ABCB1: variants seen among roughly 807,000 people sequenced by gnomAD.
The protein encoded by ABCB1 is ATP-dependent translocase ABCB1.
Under a neutral mutation model 142.0 loss-of-function variants are expected in ABCB1, and 69 were observed. The observed-to-expected ratio is 0.49, with a 90% CI of 0.40 to 0.59. The LOEUF is 0.59. Ranked by LOEUF, ABCB1 falls within the 20% of genes least tolerant of loss-of-function variation. The pLI is 0.00. For missense variants in ABCB1, 1,326 were observed against 1,554.7 expected (o/e 0.85, Z 2.47); for synonymous variants, 532 against 539.2 (o/e 0.99, Z 0.18).
intron 1 of ABCB1, among the ~76,000 whole-genome samples, chr7:87,666,243 T>C (rs1825235304): frequency 6.6e-6 from 1 of 152,196 alleles, no homozygotes; most frequent in Non-Finnish European, 1.5e-5. Context: ...TGATCAGTGA[T>C]ACTGAGCTTT....
chr7:87,612,628 T>A (rs531983710), intron 1 of ABCB1, among the ~76,000 whole-genome samples: 2 of 152,182 alleles, frequency 1.3e-5, no homozygotes, highest in African/African-American at 2.4e-5. Context: ...ATATATCTAC[T>A]TTTATACCAG....
At chr7:87,561,533 T>C in intron 7 of ABCB1, 146 bp from the exon 8 acceptor site, 1 of 790,776 alleles carries the variant, frequency 1.3e-6, no homozygotes, top group East Asian at 2.8e-5. Context: ...TTGGTCTGTA[T>C]TAACAGCCAC....
chr7:87,564,983 C>A (rs1171881368), intron 7 of ABCB1, among the ~76,000 whole-genome samples: 1 of 152,104 alleles, frequency 6.6e-6, no homozygotes, highest in Non-Finnish European at 1.5e-5. Flanking sequence ...AACTGATAAT[C>A]CCCAGAAACA....
intron 1 of ABCB1, among the ~76,000 whole-genome samples, chr7:87,635,594 C>T (rs536949027): frequency 7.9e-5 from 12 of 152,262 alleles, no homozygotes; most frequent in African/African-American, 2.9e-4. Context: ...TCTAGCTCTA[C>T]TATGCCACTA....
intron 1 of ABCB1, among the ~76,000 whole-genome samples, chr7:87,662,058 G>A (rs1824765337): frequency 6.6e-6 from 1 of 152,008 alleles, no homozygotes; most frequent in Admixed American, 6.6e-5. Context: ...CTTCTTTTGA[G>A]AAACATCTAT....
chr7:87,664,054 T>C (rs1232359129), intron 1 of ABCB1, among the ~76,000 whole-genome samples: 1 of 152,204 alleles, frequency 6.6e-6, no homozygotes, highest in Non-Finnish European at 1.5e-5. Context: ...ATTCATTTCA[T>C]ACAGCATTTA....
chr7:87,558,556 G>C (rs954999454), intron 8 of ABCB1, among the ~76,000 whole-genome samples: 1 of 151,038 alleles, frequency 6.6e-6, no homozygotes, highest in South Asian at 2.1e-4. Context: ...TGTTTTATTG[G>C]TCTTATTATC....
intron 19 of ABCB1, 38 bp from the exon 20 acceptor site, chr7:87,536,579 T>C (rs1273262826): frequency 6.3e-7 from 1 of 1,595,970 alleles, no homozygotes; most frequent in Non-Finnish European, 8.6e-7. Context: ...CTTAAAGCTG[T>C]TTATGAGACT....
At chr7:87,708,463 G>A (rs2214106) in intron 1 of ABCB1, among the ~76,000 whole-genome samples, 15,697 of 152,050 alleles carry the variant, frequency 0.1, 1,000 homozygotes, top group African/African-American at 0.18. Flanking sequence ...GAAATATCTG[G>A]ATATGTGATA....
chr7:87,563,835 TA>T (rs201585360), intron 7 of ABCB1, among the ~76,000 whole-genome samples: 2,072 of 151,738 alleles, frequency 0.014, 16 homozygotes, highest in Non-Finnish European at 0.014. Flanking sequence ...TATGCAGCCA[TA>T]AAAAAAATGA....
At chr7:87,608,150 C>T (rs1312934066) in intron 1 of ABCB1, among the ~76,000 whole-genome samples, 1 of 152,048 alleles carries the variant, frequency 6.6e-6, no homozygotes, top group Non-Finnish European at 1.5e-5. Flanking sequence ...ACAAGATAAC[C>T]CAACATTGCA....
chr7:87,700,583 A>AT (rs201077909), intron 1 of ABCB1: 7,877 of 1,414,140 alleles, frequency 5.6e-3, no homozygotes, highest in South Asian at 7.6e-3. Context: ...ACTCGTTTCT[A>AT]TTTTTTTTTT....
intron 1 of ABCB1, among the ~76,000 whole-genome samples, chr7:87,688,643 G>T (rs140090462): frequency 2.0e-5 from 3 of 151,542 alleles, no homozygotes; most frequent in African/African-American, 7.3e-5. Context: ...TTGTTATTTT[G>T]TACTTATTTT....
At chr7:87,708,452 G>A (rs1342700200) in intron 1 of ABCB1, among the ~76,000 whole-genome samples, 1 of 151,940 alleles carries the variant, frequency 6.6e-6, no homozygotes, top group Non-Finnish European at 1.5e-5. Flanking sequence ...CGAAAAGGAT[G>A]GAAATATCTG....
chr7:87,600,593 A>G (rs909234970), intron 1 of ABCB1, among the ~76,000 whole-genome samples, 162 bp downstream of exon 1: 3 of 152,164 alleles, frequency 2.0e-5, no homozygotes, highest in Non-Finnish European at 2.9e-5. Flanking sequence ...GGAGCTCCTG[A>G]GTCTAGATCT....
At chr7:87,591,605 T>C (rs1819004370) in intron 3 of ABCB1, among the ~76,000 whole-genome samples, 1 of 152,060 alleles carries the variant, frequency 6.6e-6, no homozygotes, top group Admixed American at 6.6e-5. Context: ...TCAGAGAATG[T>C]TGAGACTTAT....
At chr7:87,659,658 G>A (rs1037699620) in intron 1 of ABCB1, among the ~76,000 whole-genome samples, 3 of 152,052 alleles carry the variant, frequency 2.0e-5, no homozygotes, top group African/African-American at 7.2e-5. Flanking sequence ...GATACAGTTT[G>A]CTAATTTGTC....
chr7:87,538,179 T>C (rs1191002698), intron 19 of ABCB1, among the ~76,000 whole-genome samples: 1 of 152,162 alleles, frequency 6.6e-6, no homozygotes, highest in East Asian at 1.9e-4. Flanking sequence ...TGCCAAAGTA[T>C]AATGGGCACA....
At chr7:87,536,726 C>T (rs1446242303) in intron 19 of ABCB1, among the ~76,000 whole-genome samples, 185 bp from the exon 20 acceptor site, 1 of 152,150 alleles carries the variant, frequency 6.6e-6, no homozygotes, top group Admixed American at 6.5e-5. Flanking sequence ...TTTCATTTGT[C>T]AGAAAAATTT....
Sources: gnomAD v4.1 joint callset for allele counts (sites outside exome capture counted in the v4.1 genomes callset) on GRCh38, gnomAD v4.1.1 for gene constraint, MANE v1.5 for transcripts, NCBI Gene and HGNC (gene_info 2026-07-23, HGNC 2026-07-21) for gene names.